Variants in GPR149 observed in about 807,000 individuals in gnomAD.
GPR149 encodes G protein-coupled receptor 149.
Under a neutral mutation model 50.2 loss-of-function variants are expected in GPR149, and 50 were observed. The observed-to-expected ratio is 1.00, with a 90% confidence interval of 0.79 to 1.26. The LOEUF (loss-of-function observed/expected upper bound fraction) is 1.26, where lower values mean the gene tolerates loss of function less well. Ranked by LOEUF, GPR149 falls within the 50% of genes most tolerant of loss-of-function variation. The probability of loss-of-function intolerance (pLI) is 0.00; values close to 1 mark genes in which losing one functional copy is unlikely to be tolerated. For synonymous variants in GPR149, 405 were observed against 358.2 expected (o/e 1.13, Z -1.48); for missense variants, 983 against 895.4 (o/e 1.10, Z -1.25).
At chr3:154,357,147 G>A (rs896107538) in intron 3 of GPR149, among the ~76,000 whole-genome samples, 20 of 152,250 alleles carry the variant, frequency 1.3e-4, no homozygotes, top group African/African-American at 4.1e-4. Context: ...AGCTGAAACT[G>A]GATCCCTTCC....
intron 3 of GPR149, among the ~76,000 whole-genome samples, chr3:154,368,243 C>A (rs1714587932): frequency 6.6e-6 from 1 of 152,224 alleles, no homozygotes; most frequent in Non-Finnish European, 1.5e-5. Context: ...TGTCCACTGG[C>A]TAGACTTCTT....
chr3:154,349,389 A>T (rs1250520908), intron 3 of GPR149, among the ~76,000 whole-genome samples: 2 of 152,176 alleles, frequency 1.3e-5, no homozygotes, highest in African/African-American at 2.4e-5. Context: ...ACAGATTACC[A>T]GTATTAGGAA....
chr3:154,429,348 A>C lies in GPR149; in HGVS notation c.268T>G (p.Phe90Val). The C allele has an allele frequency of 6.2e-7, 1 of 1,614,212 alleles. No individual in the cohort carries two copies. Among genetic ancestry groups the C allele is most frequent in the Non-Finnish European group, 8.5e-7 (1 of 1,180,042 alleles). ...GGGACCTCGTTTGGCCACTGCAAAA[A>C]CATGAAGATGGTCACCGACAGGACG... Reference protein sequence around the residue: ...MSVLSVTIFMFLQWPNEVPGY... With the variant: ...MSVLSVTIFMVLQWPNEVPGY... The change falls in exon 1 of 4, where the codon TTT (phenylalanine) becomes GTT (valine). Residue 90 changes from phenylalanine (F) to valine (V), a missense_variant. Coordinates refer to ENST00000389740, the MANE Select transcript of GPR149 (RefSeq NM_001038705.3).
intron 3 of GPR149, among the ~76,000 whole-genome samples, chr3:154,407,723 T>C (rs202182723): frequency 1.9e-3 from 51 of 26,376 alleles, no homozygotes; most frequent in African/African-American, 6.7e-3. Context: ...CACACACATA[T>C]ATATATATAT....
rs1278461490 is a variant in GPR149, at chr3:154,402,447, T to TAA, written c.1623+18591_1623+18592insTT. Among the ~76,000 whole-genome samples, 346 of 150,296 alleles carry TAA rather than the reference T, an allele frequency of 2.3e-3. 5 individuals are homozygous for TAA. The highest frequency in any genetic ancestry group is 0.01 in the Middle Eastern group (3 of 288). ...ATAAATAAATAAATAAATAAATAAA[T>TAA]ATAGAATAGAAAGCAGTGAATTCAA... On this transcript the variant is annotated intron_variant, in intron 3 of 3. Coordinates refer to ENST00000389740, the MANE Select transcript of GPR149 (RefSeq NM_001038705.3).
intron 3 of GPR149, among the ~76,000 whole-genome samples, chr3:154,413,834 T>C (rs181808916): frequency 1.3e-5 from 2 of 151,796 alleles, no homozygotes; most frequent in Admixed American, 1.3e-4. Flanking sequence ...AGTCATTATA[T>C]GAAAAAGATA....
chr3:154,351,752 T>G (rs1193375505), intron 3 of GPR149, among the ~76,000 whole-genome samples: 2 of 152,180 alleles, frequency 1.3e-5, no homozygotes, highest in Non-Finnish European at 2.9e-5. Context: ...GACAAATAAA[T>G]TTTGTTATTT....
chr3:154,427,468 G>A, intron 2 of GPR149, 48 bp downstream of exon 2: 3 of 1,515,824 alleles, frequency 2.0e-6, no homozygotes, highest in Non-Finnish European at 2.7e-6. Flanking sequence ...TTTTCTGAAA[G>A]TCACCTAATG....
intron 3 of GPR149, among the ~76,000 whole-genome samples, chr3:154,340,246 G>A (rs981319563): frequency 2.0e-5 from 3 of 152,246 alleles, no homozygotes; most frequent in East Asian, 1.9e-4. Context: ...AGCCTTGCAC[G>A]ATAAAGTTTT....
At chr3:154,395,961 T>C (rs1715285294) in intron 3 of GPR149, among the ~76,000 whole-genome samples, 1 of 152,172 alleles carries the variant, frequency 6.6e-6, no homozygotes, top group Admixed American at 6.6e-5. Context: ...CAATCAAGAA[T>C]TATAAATATG....
At chr3:154,399,655 C>T (rs1215492837) in intron 3 of GPR149, among the ~76,000 whole-genome samples, 3 of 152,178 alleles carry the variant, frequency 2.0e-5, no homozygotes, top group Non-Finnish European at 4.4e-5. Context: ...CTTTCCTCTG[C>T]TCTAGAGACT....
At chr3:154,408,343 T>C (rs192069102) in intron 3 of GPR149, among the ~76,000 whole-genome samples, 2 of 152,280 alleles carry the variant, frequency 1.3e-5, no homozygotes, top group East Asian at 1.9e-4. Context: ...ACTGAAGGAA[T>C]TGGATCACCA....
chr3:154,356,907 C>T (rs1714246821), intron 3 of GPR149, among the ~76,000 whole-genome samples: 2 of 152,156 alleles, frequency 1.3e-5, no homozygotes, highest in South Asian at 4.1e-4. Context: ...AAGCTGGAGG[C>T]ATCACACTAC....
intron 3 of GPR149, among the ~76,000 whole-genome samples, chr3:154,407,719 C>CACACACACACACACATAT (rs759884952): frequency 4.0e-5 from 6 of 150,370 alleles, no homozygotes; most frequent in Non-Finnish European, 5.9e-5. Context: ...CACACACACA[C>CACACACACACACACATAT]ATATATATAT....
At chr3:154,390,133 T>C (rs1715135797) in intron 3 of GPR149, among the ~76,000 whole-genome samples, 1 of 152,098 alleles carries the variant, frequency 6.6e-6, no homozygotes, top group Non-Finnish European at 1.5e-5. Context: ...GAGGATCCTC[T>C]CCTGTACAAG....
chr3:154,405,047 G>T (rs1711647044), intron 3 of GPR149, among the ~76,000 whole-genome samples: 1 of 152,088 alleles, frequency 6.6e-6, no homozygotes, highest in Non-Finnish European at 1.5e-5. Context: ...AATATAATCA[G>T]ACAAGAGAAA....
intron 3 of GPR149, among the ~76,000 whole-genome samples, chr3:154,342,041 T>G (rs1228506034): frequency 6.6e-6 from 1 of 152,220 alleles, no homozygotes; most frequent in Non-Finnish European, 1.5e-5. Flanking sequence ...ACCTATCTCA[T>G]GTTACATGCA....
At chr3:154,409,938 C>T (rs866817841) in intron 3 of GPR149, among the ~76,000 whole-genome samples, 6 of 151,950 alleles carry the variant, frequency 3.9e-5, no homozygotes, top group African/African-American at 9.7e-5. Flanking sequence ...ATCAGGTTAC[C>T]GAAAGTCAAG....
At chr3:154,396,956 G>T (rs1340116642) in intron 3 of GPR149, among the ~76,000 whole-genome samples, 1 of 151,806 alleles carries the variant, frequency 6.6e-6, no homozygotes, top group Non-Finnish European at 1.5e-5. Flanking sequence ...CTAAAATTGA[G>T]TCAGAAGGTA....
Sources: allele counts gnomAD v4.1 joint callset (sites outside exome capture counted in the v4.1 genomes callset), GRCh38; gene constraint gnomAD v4.1.1; transcripts MANE v1.5; gene names NCBI Gene and HGNC (gene_info 2026-07-23, HGNC 2026-07-21).